PRH1: variants seen among roughly 807,000 people sequenced by gnomAD.
The protein encoded by PRH1 is proline rich protein HaeIII subfamily 1, also known as salivary acidic proline-rich phosphoprotein 1/2.
Under a neutral mutation model 7.9 loss-of-function variants are expected in PRH1, and 7 were observed. The ratio of observed to expected loss-of-function variants is 0.89; its 90% CI spans 0.50 to 1.67. PRH1 has a LOEUF of 1.67. PRH1 is among the 40% of genes most tolerant of loss of function. PRH1 has a pLI of 0.00. For synonymous variants in PRH1, 45 were observed against 80.8 expected (o/e 0.56, Z 2.38); for missense variants, 109 against 223.6 (o/e 0.49, Z 3.27).
In PRH1 at chr12:11,031,309, A is replaced by C. The variant is rs746494102; in HGVS notation, c.-126+15711T>G. 1.9e-6 allele frequency: 3 copies of C among 1,613,660 alleles called. No homozygotes were observed. The East Asian group carries it at 6.7e-5, about 36-fold the overall frequency. On this transcript the variant is annotated intron_variant, in intron 1 of 3. Transcript: ENST00000539853. ...CAAATAGAACCACTACCACACTGGA[A>C]AAAATGATGGGTATAAAAGTTGTCA...
intron 1 of PRH1, chr12:11,134,355 G>A (rs1387266929): frequency 1.7e-6 from 2 of 1,211,062 alleles, no homozygotes; most frequent in African/African-American, 1.5e-5. Flanking sequence ...TGTATGTGCT[G>A]TGACATTCTT....
Position 11,061,718 on chromosome 12 carries a change from T to C in PRH1, n.124-14530A>G, listed in dbSNP as rs760569156. 44 of 1,614,046 alleles carry C rather than the reference T, an allele frequency of 2.7e-5. No homozygotes were observed. In the African/African-American group the frequency reaches 5.5e-4, roughly 20 times the overall value. Reference sequence around the variant, plus strand: ...GAACAGATTAACAGCAGAAAAGATATCAGGGTCAGAGTGAAGGGAACTAAG... The same window carrying C: ...GAACAGATTAACAGCAGAAAAGATACCAGGGTCAGAGTGAAGGGAACTAAG... On this transcript the variant is annotated intron_variant and non_coding_transcript_variant, in intron 1 of 4. Transcript: ENST00000541977.
chr12:10,900,223 G>A (rs1177842700), intron 2 of PRH1, among the ~76,000 whole-genome samples: 1 of 152,140 alleles, frequency 6.6e-6, no homozygotes, highest in African/African-American at 2.4e-5. Context: ...CCTTTCCACT[G>A]GGGATCTGAG....
intron 2 of PRH1, among the ~76,000 whole-genome samples, chr12:10,924,752 G>C (rs923500367): frequency 6.6e-6 from 1 of 152,066 alleles, no homozygotes; most frequent in Non-Finnish European, 1.5e-5. Context: ...GTCGAGGAAT[G>C]TATCCATTTC....
In PRH1 at chr12:10,959,061, GAGTGATGACAAGGGATTGGATTCTGT is replaced by G. The variant is rs1343813290; in HGVS notation, c.-59+14568_-59+14593del. On this transcript the variant is annotated intron_variant, in intron 2 of 3. Coordinates refer to the PRH1 transcript ENST00000539853. Reference sequence around the variant, plus strand: ...TGCAGCAGTTTAGACTAGTATGGCAGAGTGATGACAAGGGATTGGATTCTGTAGGTTTTTGAGGGTAGAGTCAACAA... The same window carrying G: ...TGCAGCAGTTTAGACTAGTATGGCAGAGGTTTTTGAGGGTAGAGTCAACAA... 2.0e-5 allele frequency among the ~76,000 whole-genome samples: 3 copies of G among 152,174 alleles called. No homozygotes were observed. The East Asian group carries it at 5.8e-4, about 29-fold the overall frequency.
Position 11,085,983 on chromosome 12 carries a change from C to T in PRH1, n.124-38795G>A, listed in dbSNP as rs1189306653. ...GGAAAGTGAATCCTAAATTTTCCTA[C>T]TAAAAGCATCCAAGGTTTTCTTTGG... On this transcript the variant is annotated intron_variant and non_coding_transcript_variant, in intron 1 of 4. Coordinates refer to the PRH1 transcript ENST00000541977. 2.4e-4 allele frequency among the ~76,000 whole-genome samples: 29 copies of T among 123,052 alleles called. 1 individual carries two copies. The highest frequency in any genetic ancestry group is 3.4e-3 in the Middle Eastern group (1 of 292). The allele number at this position is 123,052 out of a possible 152,430, so 80.7% of individuals were successfully genotyped here.
At chr12:11,087,742 T>C (rs1260804598) in intron 1 of PRH1, among the ~76,000 whole-genome samples, 2 of 116,506 alleles carry the variant, frequency 1.7e-5, no homozygotes, top group African/African-American at 5.8e-5. Flanking sequence ...TTAACCTATC[T>C]GGCCTCTACC....
intron 1 of PRH1, among the ~76,000 whole-genome samples, chr12:10,974,065 T>C (rs1938971205): frequency 6.6e-6 from 1 of 152,202 alleles, no homozygotes; most frequent in African/African-American, 2.4e-5. Flanking sequence ...TAGACAAGAA[T>C]AATGAAACAC....
chr12:11,118,339 T>C (rs1945790060), downstream of PRH1, among the ~76,000 whole-genome samples: 1 of 152,164 alleles, frequency 6.6e-6, no homozygotes. Flanking sequence ...TCATTGATCA[T>C]CAGAGAAATG....
intron 1 of PRH1, among the ~76,000 whole-genome samples, chr12:11,019,498 T>A (rs1941478883): frequency 6.6e-6 from 1 of 152,298 alleles, no homozygotes. Flanking sequence ...CACTTTTCCA[T>A]GCGTTTATAA....
intron 1 of PRH1, among the ~76,000 whole-genome samples, chr12:11,060,944 T>C (rs1309491094): frequency 6.6e-6 from 1 of 152,278 alleles, no homozygotes; most frequent in Non-Finnish European, 1.5e-5. Context: ...ATTTGTGTGG[T>C]TCAAATAACA....
chr12:10,968,817 T>TA (rs1555118428), intron 2 of PRH1, among the ~76,000 whole-genome samples: 8 of 152,126 alleles, frequency 5.3e-5, no homozygotes, highest in Non-Finnish European at 8.8e-5. Flanking sequence ...CAGCAGCATC[T>TA]GGGGGGGTGC....
rs150481212 is a variant in PRH1 at position 11,085,880 on chromosome 12, G to A, written n.124-38692C>T. Among the ~76,000 whole-genome samples, 33 of 118,706 alleles carry A rather than the reference G, an allele frequency of 2.8e-4. 4 individuals carry two copies. Among genetic ancestry groups the A allele is most frequent in the African/African-American group, 9.1e-4 (32 of 35,342 alleles). The allele number at this position is 118,706 out of a possible 152,430, so 77.9% of individuals were successfully genotyped here. A position where few individuals can be genotyped will look rare whatever the true frequency, so the allele number is the denominator to read the frequency against. The stretch of plus-strand genomic sequence containing the variant: ...CTAATACATAGATCATACATTGGAT[G>A]CCTGCACTGTTATATGTAGCTTGGT... On this transcript the variant is annotated intron_variant and non_coding_transcript_variant, in intron 1 of 4. Transcript: ENST00000541977.
At chr12:10,933,440 T>A (rs549257597) in intron 2 of PRH1, among the ~76,000 whole-genome samples, 5 of 151,958 alleles carry the variant, frequency 3.3e-5, no homozygotes, top group Non-Finnish European at 7.4e-5. Context: ...TGAAAAAAAA[T>A]TTTTTGATAT....
chr12:11,071,693 C>A (rs1944077023), intron 1 of PRH1, among the ~76,000 whole-genome samples: 1 of 149,524 alleles, frequency 6.7e-6, no homozygotes, highest in South Asian at 2.1e-4. Flanking sequence ...GTTGGGGCGG[C>A]AGCTGACAGC....
intron 2 of PRH1, among the ~76,000 whole-genome samples, chr12:10,925,456 G>A (rs904171114): frequency 2.0e-5 from 3 of 152,194 alleles, no homozygotes; most frequent in African/African-American, 7.2e-5. Context: ...TCAAAGGACA[G>A]GCTCAAGTTT....
At chr12:10,930,564 A>T (rs1349294505) in intron 2 of PRH1, 1 of 1,565,326 alleles carries the variant, frequency 6.4e-7, no homozygotes, top group Non-Finnish European at 8.6e-7. Context: ...GAGGCAGGTC[A>T]GGGAGAGAGG....
chr12:10,938,118 A>G, intron 2 of PRH1: 1 of 602,016 alleles, frequency 1.7e-6, no homozygotes, highest in South Asian at 2.5e-5. Context: ...CTAATTTGTG[A>G]TATGTTTGGA....
intron 2 of PRH1, among the ~76,000 whole-genome samples, chr12:10,940,584 C>A (rs946622220): frequency 6.6e-6 from 1 of 152,160 alleles, no homozygotes; most frequent in Non-Finnish European, 1.5e-5. Flanking sequence ...AATACCTTCA[C>A]ATTTTTTTCA....
Sources: allele counts gnomAD v4.1 joint callset (sites outside exome capture counted in the v4.1 genomes callset), GRCh38; gene constraint gnomAD v4.1.1; transcripts MANE v1.5; gene names NCBI Gene and HGNC (gene_info 2026-07-23, HGNC 2026-07-21).